Variants in CTNNA3 observed in about 807,000 individuals in gnomAD.
CTNNA3 encodes catenin alpha-3.
Under a neutral mutation model 95.7 loss-of-function variants are expected in CTNNA3, and 76 were observed. The observed-to-expected ratio is 0.79, with a 90% CI of 0.66 to 0.96. CTNNA3 has a LOEUF of 0.96. Among genes scored for constraint, CTNNA3 ranks in the 40% least tolerant of loss-of-function variants. The pLI is 0.00. For missense variants in CTNNA3, 1,191 were observed against 1,089.8 expected (o/e 1.09, Z -1.31); for synonymous variants, 431 against 374.4 (o/e 1.15, Z -1.74).
chr10:66,614,172 C>T (rs1844428464), intron 10 of CTNNA3, among the ~76,000 whole-genome samples: 1 of 152,068 alleles, frequency 6.6e-6, no homozygotes. Context: ...AGTCACTTCA[C>T]ATGACTTGTA....
At chr10:66,062,152 A>G (rs1195553639) in intron 15 of CTNNA3, among the ~76,000 whole-genome samples, 1 of 152,138 alleles carries the variant, frequency 6.6e-6, no homozygotes, top group African/African-American at 2.4e-5. Flanking sequence ...ACAAGAAAAC[A>G]TGTTTTTCTC....
At chr10:66,518,768 A>G (rs1432182525) in intron 11 of CTNNA3, among the ~76,000 whole-genome samples, 2 of 152,110 alleles carry the variant, frequency 1.3e-5, no homozygotes, top group African/African-American at 4.8e-5. Flanking sequence ...AAAAAAAATC[A>G]GTTAGCAGTG....
At chr10:67,389,032 A>C (rs1355075051) in intron 5 of CTNNA3, among the ~76,000 whole-genome samples, 1 of 138,300 alleles carries the variant, frequency 7.2e-6, no homozygotes, top group East Asian at 2.2e-4. Context: ...CTAACATCAT[A>C]ATGACAGGAT....
intron 12 of CTNNA3, among the ~76,000 whole-genome samples, chr10:66,332,411 A>ATACGTCCCATCAATACG (rs547582871): frequency 6.8e-6 from 1 of 146,902 alleles, no homozygotes; most frequent in Non-Finnish European, 1.5e-5. Context: ...TTATTTTGAG[A>ATACGTCCCATCAATACG]TAATTTATTG....
At chr10:66,745,808 C>T (rs1004542753) in intron 9 of CTNNA3, among the ~76,000 whole-genome samples, 15 of 149,882 alleles carry the variant, frequency 1.0e-4, no homozygotes, top group Non-Finnish European at 1.8e-4. Context: ...ACTGTGTTAG[C>T]CAGGATGGTC....
chr10:66,593,204 C>T (rs1843608580), intron 10 of CTNNA3, among the ~76,000 whole-genome samples: 1 of 152,100 alleles, frequency 6.6e-6, no homozygotes, highest in Non-Finnish European at 1.5e-5. Context: ...TTCACCAATA[C>T]TGGTGTGTTG....
chr10:67,509,582 A>G (rs1054191357), intron 5 of CTNNA3, among the ~76,000 whole-genome samples: 1 of 152,150 alleles, frequency 6.6e-6, no homozygotes, highest in Non-Finnish European at 1.5e-5. Context: ...TTCTTAATCC[A>G]GTCTATCACT....
intron 7 of CTNNA3, among the ~76,000 whole-genome samples, chr10:66,813,233 G>A (rs1246000333): frequency 6.6e-6 from 1 of 152,122 alleles, no homozygotes; most frequent in Non-Finnish European, 1.5e-5. Flanking sequence ...AGCCTTCTCT[G>A]CAAAATCCAC....
intron 5 of CTNNA3, among the ~76,000 whole-genome samples, chr10:67,420,461 C>G (rs1845708550): frequency 6.6e-6 from 1 of 152,110 alleles, no homozygotes; most frequent in African/African-American, 2.4e-5. Flanking sequence ...TCTGCCTTTT[C>G]CAGCTGCATG....
intron 7 of CTNNA3, among the ~76,000 whole-genome samples, chr10:67,093,451 A>C (rs545117806): frequency 2.0e-5 from 3 of 151,860 alleles, no homozygotes; most frequent in Non-Finnish European, 4.4e-5. Flanking sequence ...AAATAGAGAG[A>C]GGTTACTGTG....
Position 65,994,406 on chromosome 10 carries a change from G to A in CTNNA3, c.2160-5609C>T, listed in dbSNP as rs1358572873. On this transcript the variant is annotated intron_variant, in intron 15 of 17. Transcript: ENST00000433211. Reference sequence around the variant, plus strand: ...TATAGCTGAAGGATCAATTTTGCTGGGTATAGTGTTCTGGATTGACATTTT... The same window carrying A: ...TATAGCTGAAGGATCAATTTTGCTGAGTATAGTGTTCTGGATTGACATTTT... Among the ~76,000 whole-genome samples, 3 of 151,600 alleles carry A rather than the reference G, an allele frequency of 2.0e-5. No homozygotes were observed. In the East Asian group the frequency reaches 5.9e-4, roughly 30 times the overall value.
intron 17 of CTNNA3, among the ~76,000 whole-genome samples, chr10:65,952,438 C>T (rs180691693): frequency 1.3e-5 from 2 of 152,210 alleles, no homozygotes; most frequent in East Asian, 1.9e-4. Context: ...TATTCCTCCT[C>T]TTCTTGCTTC....
intron 4 of CTNNA3, among the ~76,000 whole-genome samples, chr10:67,537,939 C>G (rs1840535951): frequency 6.6e-6 from 1 of 151,508 alleles, no homozygotes; most frequent in Non-Finnish European, 1.5e-5. Context: ...GTGATGAGAA[C>G]AATTCCCTTT....
At chr10:67,606,655 C>A (rs910930590) in intron 3 of CTNNA3, among the ~76,000 whole-genome samples, 1 of 152,044 alleles carries the variant, frequency 6.6e-6, no homozygotes. Context: ...GGGGACCGAG[C>A]AACTAAAAAG....
intron 12 of CTNNA3, among the ~76,000 whole-genome samples, chr10:66,325,717 C>T (rs1178352796): frequency 7.3e-6 from 1 of 136,278 alleles, no homozygotes; most frequent in African/African-American, 2.5e-5. Flanking sequence ...GCCACAAGAA[C>T]TACCAAGGGA....
chr10:67,444,717 T>C (rs1361340573), intron 5 of CTNNA3, among the ~76,000 whole-genome samples: 4 of 152,044 alleles, frequency 2.6e-5, no homozygotes, highest in Non-Finnish European at 4.4e-5. Context: ...AAAGAGATGT[T>C]ACAACTGATA....
chr10:66,584,391 T>C (rs1843292519), intron 10 of CTNNA3, among the ~76,000 whole-genome samples: 1 of 151,988 alleles, frequency 6.6e-6, no homozygotes, highest in African/African-American at 2.4e-5. Context: ...TTTAGACATG[T>C]TATATCTTCT....
At chr10:67,225,515 G>A (rs542597498) in intron 5 of CTNNA3, among the ~76,000 whole-genome samples, 2 of 152,286 alleles carry the variant, frequency 1.3e-5, no homozygotes, top group Admixed American at 6.5e-5. Context: ...GGTATCCACA[G>A]CTGAGAGAGC....
chr10:67,217,834 A>C (rs577043168), intron 6 of CTNNA3, among the ~76,000 whole-genome samples: 91 of 152,288 alleles, frequency 6.0e-4, no homozygotes, highest in Non-Finnish European at 1.1e-3. Context: ...TGCTAATCTA[A>C]AAATCTGAAA....
Sources: allele counts gnomAD v4.1 joint callset (sites outside exome capture counted in the v4.1 genomes callset), GRCh38; gene constraint gnomAD v4.1.1; transcripts MANE v1.5; gene names NCBI Gene and HGNC (gene_info 2026-07-23, HGNC 2026-07-21).